The following RAB38 variants were observed in gnomAD, a reference collection of about 807,000 sequenced individuals.
The protein encoded by RAB38 is RAB38, member RAS oncogene family.
A neutral mutation model predicts 18.4 loss-of-function variants in RAB38; 15 were observed. That is an observed-to-expected ratio of 0.82 (90% confidence interval 0.55 to 1.26). The LOEUF is 1.26. Among genes scored for constraint, RAB38 ranks in the 50% most tolerant of loss-of-function variants. RAB38 has a pLI of 0.00. For missense variants in RAB38, 294 were observed against 267.4 expected (o/e 1.10, Z -0.69); for synonymous variants, 101 against 104.4 (o/e 0.97, Z 0.20).
the RAB38 span, among the ~76,000 whole-genome samples, chr11:88,029,815 G>A: frequency 2.0e-5 from 3 of 152,050 alleles, no homozygotes; most frequent in African/African-American, 4.8e-5. Flanking sequence ...ACATTAGACA[G>A]ATCAACGAGA....
the RAB38 span, among the ~76,000 whole-genome samples, chr11:87,936,431 C>T: frequency 6.6e-6 from 1 of 151,902 alleles, no homozygotes; most frequent in East Asian, 1.9e-4. Flanking sequence ...GCTTTTGCAC[C>T]TTTGTCAAAA....
chr11:87,882,711 C>G, the RAB38 span, among the ~76,000 whole-genome samples: 2 of 151,762 alleles, frequency 1.3e-5, no homozygotes, highest in African/African-American at 2.4e-5. Context: ...TCATTTTGGT[C>G]TCTCTGTCAT....
At chr11:87,869,283 A>T in the RAB38 span, among the ~76,000 whole-genome samples, 1 of 150,532 alleles carries the variant, frequency 6.6e-6, no homozygotes, top group Non-Finnish European at 1.5e-5. Flanking sequence ...TTTAACATCT[A>T]TCTCATTTAA....
intron 1 of RAB38, among the ~76,000 whole-genome samples, chr11:88,157,144 A>T (rs191301690): frequency 6.6e-5 from 10 of 152,364 alleles, no homozygotes; most frequent in South Asian, 6.2e-4. Flanking sequence ...AAAGGATTAG[A>T]GAAAGATCCA....
the RAB38 span, among the ~76,000 whole-genome samples, chr11:88,054,777 G>A: frequency 3.9e-5 from 6 of 152,208 alleles, no homozygotes; most frequent in Non-Finnish European, 7.3e-5. Flanking sequence ...GGTGGGAACA[G>A]GTTTCCCAAG....
the RAB38 span, among the ~76,000 whole-genome samples, chr11:87,914,598 A>C: frequency 2.0e-5 from 3 of 152,176 alleles, no homozygotes; most frequent in Non-Finnish European, 4.4e-5. Flanking sequence ...GGGGTAGAGA[A>C]TGAAAAAGTG....
chr11:87,890,324 A>G, the RAB38 span, among the ~76,000 whole-genome samples: 2 of 151,774 alleles, frequency 1.3e-5, no homozygotes, highest in Non-Finnish European at 2.9e-5. Context: ...TCACTTTGCT[A>G]TTACTTTCAA....
chr11:87,844,913 G>C, the RAB38 span, among the ~76,000 whole-genome samples: 1 of 152,086 alleles, frequency 6.6e-6, no homozygotes, highest in Non-Finnish European at 1.5e-5. Flanking sequence ...ACACATGTGT[G>C]GGCACATTCA....
the RAB38 span, among the ~76,000 whole-genome samples, chr11:87,935,038 A>T: frequency 1.3e-4 from 20 of 152,182 alleles, no homozygotes; most frequent in African/African-American, 4.3e-4. Context: ...AACTGCAAGC[A>T]CTTCGGGAAG....
At chr11:88,046,977 C>T in the RAB38 span, among the ~76,000 whole-genome samples, 1 of 152,158 alleles carries the variant, frequency 6.6e-6, no homozygotes, top group East Asian at 1.9e-4. Flanking sequence ...GGACCATGCC[C>T]TGTAGCCTTT....
the RAB38 span, among the ~76,000 whole-genome samples, chr11:88,031,410 ATTC>A: frequency 6.6e-6 from 1 of 151,088 alleles, no homozygotes; most frequent in Non-Finnish European, 1.5e-5. Flanking sequence ...AATAAAGGGT[ATTC>A]AATTAGGAAA....
At chr11:87,816,807 C>T in the RAB38 span, among the ~76,000 whole-genome samples, 1 of 151,972 alleles carries the variant, frequency 6.6e-6, no homozygotes, top group African/African-American at 2.4e-5. Flanking sequence ...ATCCTGGGAG[C>T]TTGTAAAAAT....
At position 88,119,877 on chromosome 11, in the gene RAB38, G is replaced by A. The variant is rs35688398; in HGVS notation, c.484-5737C>T. On this transcript the variant is annotated intron_variant, in intron 2 of 2. Coordinates refer to ENST00000243662, the MANE Select transcript of RAB38 (RefSeq NM_022337.3). ...TGGCCTACTGGATAATAACACCACTGTACAAAAAGTATTACACAAAACAGG... is the reference window on the plus strand; with the variant it reads ...TGGCCTACTGGATAATAACACCACTATACAAAAAGTATTACACAAAACAGG... 4.9e-3 allele frequency among the ~76,000 whole-genome samples: 752 copies of A among 152,102 alleles called. 5 individuals are homozygous for A. Among genetic ancestry groups the A allele is most frequent in the African/African-American group, 0.016 (683 of 41,480 alleles).
chr11:87,956,124 T>C, the RAB38 span, among the ~76,000 whole-genome samples: 3 of 140,236 alleles, frequency 2.1e-5, no homozygotes, highest in African/African-American at 8.3e-5. Context: ...TACATGCATA[T>C]ACCTTGTAAC....
the RAB38 span, among the ~76,000 whole-genome samples, chr11:87,874,143 A>G: frequency 6.6e-6 from 1 of 151,148 alleles, no homozygotes; most frequent in Non-Finnish European, 1.5e-5. Context: ...TTGTTCATAG[A>G]GAAATTTTTT....
chr11:87,976,608 T>TATTTTACATAATATATAAATATATATA, the RAB38 span, among the ~76,000 whole-genome samples: 6 of 103,126 alleles, frequency 5.8e-5, no homozygotes, highest in South Asian at 5.7e-4. Context: ...TATAAATACA[T>TATTTTACATAATATATAAATATATATA]ATTTTACATG....
chr11:87,976,803 ATATAT>A, the RAB38 span, among the ~76,000 whole-genome samples: 3 of 79,594 alleles, frequency 3.8e-5, no homozygotes, highest in Admixed American at 1.4e-4. Flanking sequence ...TATACTTATA[ATATAT>A]TATATATTAT....
chr11:87,901,485 C>T, the RAB38 span, among the ~76,000 whole-genome samples: 2 of 151,540 alleles, frequency 1.3e-5, no homozygotes, highest in African/African-American at 4.8e-5. Flanking sequence ...CTTTCACTAA[C>T]GTCATTCAAG....
the RAB38 span, among the ~76,000 whole-genome samples, chr11:87,976,734 ATATAT>A: frequency 8.4e-6 from 1 of 118,472 alleles, no homozygotes; most frequent in South Asian, 2.5e-4. Context: ...ATTTTATATA[ATATAT>A]ATTTATATAT....
Sources: gnomAD v4.1 joint callset for allele counts (sites outside exome capture counted in the v4.1 genomes callset) on GRCh38, gnomAD v4.1.1 for gene constraint, MANE v1.5 for transcripts, NCBI Gene and HGNC (gene_info 2026-07-23, HGNC 2026-07-21) for gene names.